The following MALRD1 variants were observed in gnomAD, a reference collection of about 807,000 sequenced individuals.
MALRD1 encodes the protein MAM and LDL receptor class A domain containing 1.
In MALRD1, 247 loss-of-function variants were observed where a neutral mutation model predicts 242.1. The observed-to-expected ratio is 1.02, with a 90% CI of 0.92 to 1.13. The LOEUF (loss-of-function observed/expected upper bound fraction) is 1.13. MALRD1 is among the 50% of genes most tolerant of loss of function. The pLI, the probability that MALRD1 is intolerant of heterozygous loss-of-function variation, is 0.00. For synonymous variants in MALRD1, 995 were observed against 866.6 expected, an observed-to-expected ratio of 1.15 and a Z score of -2.60; for missense variants, 2,989 against 2,533.1, an observed-to-expected ratio of 1.18 and a Z score of -3.86.
intron 38 of MALRD1, among the ~76,000 whole-genome samples, chr10:19,712,281 A>C (rs923824001): frequency 2.6e-5 from 4 of 152,212 alleles, no homozygotes; most frequent in African/African-American, 9.6e-5. Context: ...ATAAAATCCT[A>C]ATTGTATCTT....
chr10:19,459,030 A>G (rs780487347), intron 29 of MALRD1, among the ~76,000 whole-genome samples: 21 of 152,128 alleles, frequency 1.4e-4, no homozygotes, highest in Non-Finnish European at 2.8e-4. Context: ...ACATAAAGAG[A>G]CATTATTTAA....
intron 38 of MALRD1, 97 bp downstream of exon 38, chr10:19,692,651 A>T (rs1400634823): frequency 2.2e-6 from 2 of 912,030 alleles, no homozygotes; most frequent in South Asian, 1.7e-5. Flanking sequence ...TCCATATTAC[A>T]TGCAGGAAAC....
rs557471670 is a variant in MALRD1 at position 19,301,490 on chromosome 10, A to G, written c.3419+18309A>G. On this transcript the variant is annotated intron_variant, in intron 21 of 39. Transcript: ENST00000454679. ...AATTCCCATCAACAGCAGACAGGAT[A>G]GAGAAAATGTACATATATACAGCAT... 4.6e-5 allele frequency among the ~76,000 whole-genome samples: 7 copies of G among 152,090 alleles called. No homozygotes were observed. The South Asian group carries it at 1.2e-3, about 27-fold the overall frequency.
At chr10:19,477,481 TAAATAAAC>T (rs1278863604) in intron 29 of MALRD1, among the ~76,000 whole-genome samples, 1 of 151,952 alleles carries the variant, frequency 6.6e-6, no homozygotes, top group African/African-American at 2.4e-5. Flanking sequence ...AATAAATAAA[TAAATAAAC>T]ACAATAATTG....
At chr10:19,421,881 G>A (rs1833730798) in intron 28 of MALRD1, among the ~76,000 whole-genome samples, 1 of 152,194 alleles carries the variant, frequency 6.6e-6, no homozygotes, top group Non-Finnish European at 1.5e-5. Flanking sequence ...AGATTTTGAA[G>A]ATCAGAGCCA....
chr10:19,060,132 A>C (rs561342094), intron 1 of MALRD1, among the ~76,000 whole-genome samples: 59 of 152,120 alleles, frequency 3.9e-4, no homozygotes, highest in African/African-American at 1.3e-3. Flanking sequence ...TTTGGAGCAT[A>C]GTGTCTGGGC....
rs1435270541 is a variant in MALRD1, at chr10:19,607,698, GTTATT to G, written c.5945-76_5945-72del. The G allele has an allele frequency of 3.4e-6, 5 of 1,477,788 alleles. No homozygotes were observed. In the African/African-American group the frequency reaches 5.7e-5, roughly 17 times the overall value. The allele number at this position is 1,477,788 out of a possible 1,614,324, so 91.5% of individuals were successfully genotyped here. A position where few individuals can be genotyped will look rare whatever the true frequency, so the allele number is the denominator to read the frequency against. On this transcript the variant is annotated intron_variant, in intron 34 of 39. Coordinates refer to ENST00000454679, the MANE Select transcript of MALRD1 (RefSeq NM_001142308.3). ...AGAGTAATATAATAAACTGTTTTATGTTATTTTGTTGTGAGAATTCATTGGGACAA... is the reference window on the plus strand; with the variant it reads ...AGAGTAATATAATAAACTGTTTTATGTTGTTGTGAGAATTCATTGGGACAA...
chr10:19,568,566 G>C (rs777582297), intron 33 of MALRD1, among the ~76,000 whole-genome samples: 1 of 151,934 alleles, frequency 6.6e-6, no homozygotes, highest in Non-Finnish European at 1.5e-5. Flanking sequence ...TCACTCCCAT[G>C]GTTAACATTC....
chr10:19,464,248 A>C (rs1012377924), intron 29 of MALRD1, among the ~76,000 whole-genome samples: 1 of 151,942 alleles, frequency 6.6e-6, no homozygotes, highest in South Asian at 2.1e-4. Flanking sequence ...TTTTTGTTGC[A>C]TTTGCTTTTG....
At chr10:19,701,738 C>G (rs1192702790) in intron 38 of MALRD1, among the ~76,000 whole-genome samples, 1 of 124,200 alleles carries the variant, frequency 8.1e-6, no homozygotes, top group African/African-American at 3.0e-5. Flanking sequence ...TTCCCCTTCC[C>G]CTCCCCTCCC....
intron 31 of MALRD1, among the ~76,000 whole-genome samples, chr10:19,516,248 T>C (rs981587477): frequency 6.6e-6 from 1 of 152,204 alleles, no homozygotes; most frequent in African/African-American, 2.4e-5. Context: ...TGTTAGTTTC[T>C]ATCTTAGAGT....
chr10:19,713,285 A>G (rs1268920606), intron 38 of MALRD1, among the ~76,000 whole-genome samples: 3 of 152,220 alleles, frequency 2.0e-5, no homozygotes, highest in East Asian at 3.9e-4. Context: ...GTTTCTAAGC[A>G]TTTATTCTCT....
At chr10:19,083,204 C>G (rs1007600154) in intron 2 of MALRD1, among the ~76,000 whole-genome samples, 3 of 151,996 alleles carry the variant, frequency 2.0e-5, no homozygotes, top group Non-Finnish European at 4.4e-5. Context: ...CAATAAATCT[C>G]TATGTTTTGC....
chr10:19,286,760 A>C (rs968879968), intron 21 of MALRD1, among the ~76,000 whole-genome samples: 2 of 151,532 alleles, frequency 1.3e-5, no homozygotes, highest in African/African-American at 2.4e-5. Context: ...AACTGGTACC[A>C]TTCCTTCTGA....
intron 28 of MALRD1, among the ~76,000 whole-genome samples, chr10:19,432,125 C>T (rs1174063901): frequency 1.3e-5 from 2 of 152,066 alleles, no homozygotes; most frequent in Non-Finnish European, 2.9e-5. Flanking sequence ...CTTTTCTATA[C>T]AGAGAGTATA....
Position 19,391,193 on chromosome 10 carries a change from C to G in MALRD1, c.4845+1584C>G, listed in dbSNP as rs367947899. ...CTAATTGATTCTTAGGGAAATTTAACAGCATTTTAAAAAGCCTGTCTTCCT... is the reference window on the plus strand; with the variant it reads ...CTAATTGATTCTTAGGGAAATTTAAGAGCATTTTAAAAAGCCTGTCTTCCT... On this transcript the variant is annotated intron_variant, in intron 28 of 39. Coordinates refer to ENST00000454679, the MANE Select transcript of MALRD1 (RefSeq NM_001142308.3). 4.6e-5 allele frequency among the ~76,000 whole-genome samples: 7 copies of G among 152,220 alleles called. No homozygotes were observed. The South Asian group carries it at 1.5e-3, about 32-fold the overall frequency.
intron 12 of MALRD1, among the ~76,000 whole-genome samples, chr10:19,164,714 T>C (rs1834594636): frequency 6.6e-6 from 1 of 152,192 alleles, no homozygotes; most frequent in Non-Finnish European, 1.5e-5. Context: ...AAGTGCTCAG[T>C]AAATATTGGT....
chr10:19,634,664 CTT>C (rs1193917776), intron 36 of MALRD1, among the ~76,000 whole-genome samples: 1 of 152,186 alleles, frequency 6.6e-6, no homozygotes, highest in East Asian at 1.9e-4. Context: ...TCACAGCACT[CTT>C]TTCCGTAATA....
rs1474453768 is a variant in MALRD1, at chr10:19,205,234, C to T, written c.2547C>T (p.Asp849=). 6.4e-7 allele frequency: 1 copy of T among 1,550,666 alleles called. No individual in the cohort carries two copies. Among genetic ancestry groups the T allele is most frequent in the East Asian group, 2.4e-5 (1 of 40,910 alleles). ...EKLRLCDLVD[D]CGDRTDEVNC... is the part of the protein sequence containing the mutation. The stretch of plus-strand genomic sequence containing the variant: ...TTCGGTTATGTGATCTGGTGGATGA[C>T]TGTGGTGATCGTACTGATGAAGTCA... The change falls in exon 17 of 40, where the codon GAC becomes GAT. Residue 849 remains aspartate, a synonymous_variant. Coordinates refer to ENST00000454679, the MANE Select transcript of MALRD1 (RefSeq NM_001142308.3).
Sources: allele counts gnomAD v4.1 joint callset (sites outside exome capture counted in the v4.1 genomes callset), GRCh38; gene constraint gnomAD v4.1.1; transcripts MANE v1.5; gene names NCBI Gene and HGNC (gene_info 2026-07-23, HGNC 2026-07-21).